GCC2: variants seen among roughly 807,000 people sequenced by gnomAD.
GCC2 encodes the protein GRIP and coiled-coil domain containing 2.
GCC2 carries 120 observed loss-of-function variants against 210.6 expected under a neutral mutation model. That is an observed-to-expected ratio of 0.57 (90% CI 0.49 to 0.66). GCC2 has a LOEUF of 0.66. Ranked by LOEUF, GCC2 falls within the 30% of genes least tolerant of loss-of-function variation. The pLI, the probability that GCC2 is intolerant of heterozygous loss-of-function variation, is 0.00. For synonymous variants in GCC2, 703 were observed against 652.7 expected, an observed-to-expected ratio of 1.08 and a Z score of -1.17; for missense variants, 1,868 against 1,871.9, an observed-to-expected ratio of 1.00 and a Z score of 0.04.
At chr2:108,488,567 A>T (rs960867536) in intron 17 of GCC2, among the ~76,000 whole-genome samples, 1 of 152,240 alleles carries the variant, frequency 6.6e-6, no homozygotes, top group Non-Finnish European at 1.5e-5. Context: ...TATTTCAAAA[A>T]TTTTAAATTT....
intron 2 of GCC2, 79 bp from the exon 3 acceptor site, chr2:108,450,949 C>G (rs1679911609): frequency 1.0e-5 from 9 of 872,622 alleles, no homozygotes; most frequent in Admixed American, 4.4e-5. Flanking sequence ...TTTTTGTTTT[C>G]TAGCAGACAT....
At chr2:108,455,532 C>T (rs926910269) in intron 4 of GCC2, among the ~76,000 whole-genome samples, 10 of 151,166 alleles carry the variant, frequency 6.6e-5, no homozygotes, top group Non-Finnish European at 1.0e-4. Flanking sequence ...TATATTTATA[C>T]GTATTCATGG....
rs34052393 is a variant in GCC2 at position 108,459,745 on chromosome 2, CTTTTTTTTTTTT to C, written c.216+7301_216+7312del. Among the ~76,000 whole-genome samples the C allele has an allele frequency of 9.0e-4, 24 of 26,782 alleles. No individual in the cohort carries two copies. The East Asian group carries it at 0.016, about 18-fold the overall frequency. 17.6% of individuals were successfully genotyped at this position (26,782 alleles called of 152,430 possible). ...GCCATTAGATAATGACCTTCTTTGT[CTTTTTTTTTTTT>C]TTTTTTTTTTTTTTTTTTTTTACTA... On this transcript the variant is annotated intron_variant, in intron 4 of 22. Coordinates refer to ENST00000309863, the MANE Select transcript of GCC2 (RefSeq NM_181453.4).
intron 22 of GCC2, among the ~76,000 whole-genome samples, chr2:108,501,218 C>T (rs1384803969): frequency 6.6e-6 from 1 of 152,010 alleles, no homozygotes; most frequent in Non-Finnish European, 1.5e-5. Flanking sequence ...ATCTCCTGAC[C>T]TTGTGATCTG....
chr2:108,459,884 C>T (rs565594683), intron 4 of GCC2, among the ~76,000 whole-genome samples: 16 of 151,024 alleles, frequency 1.1e-4, no homozygotes, highest in African/African-American at 3.9e-4. Flanking sequence ...GAGCGGAGAT[C>T]ACGCCGCTGC....
chr2:108,491,617 TAAC>T (rs929760271), intron 18 of GCC2, among the ~76,000 whole-genome samples: 4 of 144,736 alleles, frequency 2.8e-5, no homozygotes, highest in African/African-American at 1.0e-4. Flanking sequence ...ACTAAACTGT[TAAC>T]AACGTTTATC....
At chr2:108,464,096 GT>G (rs1242857949) in intron 4 of GCC2, among the ~76,000 whole-genome samples, 1 of 152,124 alleles carries the variant, frequency 6.6e-6, no homozygotes, top group African/African-American at 2.4e-5. Flanking sequence ...GTTTATAAGG[GT>G]GGGGTGAGTG....
In GCC2 at chr2:108,450,385, T is replaced by C. The variant is rs146545194; in HGVS notation, c.64-643T>C. On this transcript the variant is annotated intron_variant, in intron 2 of 22. Coordinates refer to ENST00000309863, the MANE Select transcript of GCC2 (RefSeq NM_181453.4). ...CAAAGACTTGCAGCCTTGAATAGAA[T>C]GAAATAATTTTACAGCTCCAAGGAA... 2.0e-5 allele frequency among the ~76,000 whole-genome samples: 3 copies of C among 152,320 alleles called. No homozygotes were observed. The East Asian group carries it at 5.8e-4, about 29-fold the overall frequency.
chr2:108,492,871 A>G (rs1464138253), intron 19 of GCC2, 81 bp downstream of exon 19: 2 of 770,516 alleles, frequency 2.6e-6, no homozygotes, highest in African/African-American at 5.9e-5. Flanking sequence ...CAAATTCATA[A>G]GAAAGAAAAT....
intron 19 of GCC2, chr2:108,493,508 A>G: frequency 2.0e-6 from 2 of 986,448 alleles, no homozygotes; most frequent in Non-Finnish European, 1.2e-6. Context: ...GAAACACTCA[A>G]GCGGCACTGA....
At position 108,470,791 on chromosome 2, in the gene GCC2, G is replaced by A. The variant is rs745440605; in HGVS notation, c.1462G>A (p.Glu488Lys). 6.2e-7 allele frequency: 1 copy of A among 1,613,738 alleles called. No individual in the cohort carries two copies. Among genetic ancestry groups the A allele is most frequent in the South Asian group, 1.1e-5 (1 of 91,000 alleles). ...TTATGAGAGTTTACGAGAGATTATGGAAATTTTACAAACAGAACTGGGGGA... is the reference window on the plus strand; with the variant it reads ...TTATGAGAGTTTACGAGAGATTATGAAAATTTTACAAACAGAACTGGGGGA... ...LNYESLREIM[E>K]ILQTELGESA... Residue 488 changes from glutamate (E) to lysine (K), a missense_variant, in exon 6 of 23, where the codon GAA becomes AAA. Physicochemically the swap from Glu to Lys is moderately conservative, Grantham distance 56. This residue lies in a region of GCC2 where 1,847 missense variants were observed against 1,765.2 expected (regional missense o/e 1.05). Coordinates refer to ENST00000309863, the MANE Select transcript of GCC2 (RefSeq NM_181453.4).
At chr2:108,501,754 C>G (rs1391473048) in intron 22 of GCC2, among the ~76,000 whole-genome samples, 4 of 152,182 alleles carry the variant, frequency 2.6e-5, no homozygotes, top group African/African-American at 9.7e-5. Flanking sequence ...TACTTCTGGT[C>G]TGGAGCCCAT....
In GCC2 at chr2:108,507,652, A is replaced by C. The variant is rs752658558; in HGVS notation, c.*22A>C. ...ATAGGTTGATGGAAGGAATATTTTTATTAACCAAATAGAATCTATTTACAA... is the reference window on the plus strand; with the variant it reads ...ATAGGTTGATGGAAGGAATATTTTTCTTAACCAAATAGAATCTATTTACAA... On this transcript the variant is annotated 3_prime_UTR_variant, in exon 23 of 23. Coordinates refer to ENST00000309863, the MANE Select transcript of GCC2 (RefSeq NM_181453.4). The C allele has an allele frequency of 6.8e-7, 1 of 1,463,042 alleles. No homozygotes were observed. Among genetic ancestry groups the C allele is most frequent in the South Asian group, 1.2e-5 (1 of 83,142 alleles). 90.6% of individuals were successfully genotyped at this position (1,463,042 alleles called of 1,614,324 possible).
intron 20 of GCC2, chr2:108,496,216 A>G (rs1029841228): frequency 6.6e-6 from 1 of 151,652 alleles, no homozygotes; most frequent in Non-Finnish European, 1.5e-5. Context: ...AGAAACTGAC[A>G]GTTTCAGTTT....
chr2:108,488,349 G>C (rs986666152), intron 17 of GCC2, among the ~76,000 whole-genome samples: 3 of 152,182 alleles, frequency 2.0e-5, no homozygotes, highest in Admixed American at 1.3e-4. Flanking sequence ...AAAATTAGAT[G>C]TTAAAGTGCA....
intron 19 of GCC2, chr2:108,493,451 A>G: frequency 2.0e-6 from 2 of 986,746 alleles, no homozygotes; most frequent in Non-Finnish European, 2.4e-6. Context: ...TAGACATCAA[A>G]TTTGTCTACT....
chr2:108,471,066 T>C lies in GCC2; in HGVS notation c.1737T>C (p.Asp579=), dbSNP rs747487244. The change falls in exon 6 of 23, where the codon GAT becomes GAC. Residue 579 remains aspartate (D), a synonymous_variant. Transcript: ENST00000309863. ...ACTTACTTAGTCTCAGTCAAAGAGA[T>C]ACCATGTTAAAAGAATTAGAAGGAA... ...GVYLLSLSQR[D]TMLKELEGKI... 2 of 1,585,044 alleles carry C rather than the reference T, an allele frequency of 1.3e-6. No individual in the cohort carries two copies. Among genetic ancestry groups the C allele is most frequent in the South Asian group, 1.1e-5 (1 of 88,770 alleles).
rs1010141859 is a variant in GCC2 at position 108,471,112 on chromosome 2, G to C, written c.1783G>C (p.Glu595Gln). 1 of 1,585,540 alleles carries C rather than the reference G, an allele frequency of 6.3e-7. No individual in the cohort carries two copies. The highest frequency in any genetic ancestry group is 2.2e-5 in the East Asian group (1 of 44,696). Residue 595 changes from glutamate (E) to glutamine (Q), a missense_variant, in exon 6 of 23, where the codon GAA (glutamate) becomes CAA (glutamine). Physicochemically the swap from Glu to Gln is conservative, Grantham distance 29 (BLOSUM62 2). Coordinates refer to ENST00000309863, the MANE Select transcript of GCC2 (RefSeq NM_181453.4). Reference sequence around the variant, plus strand: ...AGGAAAGATAAATTCTCTTACTGAGGAAAAAGATGATTTTATAAATAAACT... The same window carrying C: ...AGGAAAGATAAATTCTCTTACTGAGCAAAAAGATGATTTTATAAATAAACT... ...LEGKINSLTE[E>Q]KDDFINKLKN... is the part of the protein sequence containing the mutation.
chr2:108,486,740 T>A, intron 16 of GCC2, 92 bp downstream of exon 16: 1 of 1,211,980 alleles, frequency 8.3e-7, no homozygotes, highest in Non-Finnish European at 1.1e-6. Context: ...GCCTTTTTAG[T>A]ATTTTCCTGT....
Sources: allele counts gnomAD v4.1 joint callset (sites outside exome capture counted in the v4.1 genomes callset), GRCh38; gene constraint gnomAD v4.1.1; regional missense constraint gnomAD v4.1.1; transcripts MANE v1.5; gene names NCBI Gene and HGNC (gene_info 2026-07-23, HGNC 2026-07-21).